Variants in HPCAL1 observed in about 807,000 individuals in gnomAD.
HPCAL1 encodes the protein hippocalcin-like protein 1.
A neutral mutation model predicts 17.1 loss-of-function variants in HPCAL1; 8 were observed. That is an observed-to-expected ratio of 0.47 (90% confidence interval 0.27 to 0.84). The LOEUF is 0.84. Ranked by LOEUF, HPCAL1 falls within the 40% of genes least tolerant of loss-of-function variation. The pLI, the probability that HPCAL1 is intolerant of heterozygous loss-of-function variation, is 0.13. For missense variants in HPCAL1, 165 were observed against 271.1 expected (o/e 0.61, Z 2.75); for synonymous variants, 112 against 111.4 (o/e 1.01, Z -0.03).
In HPCAL1 at chr2:10,426,935, G is replaced by A. The variant is rs1455808635; in HGVS notation, c.*114G>A. The A allele has an allele frequency of 1.2e-5, 12 of 990,730 alleles. No homozygotes were observed. The highest frequency in any genetic ancestry group is 1.9e-5 in the Non-Finnish European group (12 of 645,642). The allele number at this position is 990,730 out of a possible 1,614,324, so 61.4% of individuals were successfully genotyped here. On this transcript the variant is annotated 3_prime_UTR_variant, in exon 5 of 5. Transcript: ENST00000307845. Reference sequence around the variant, plus strand: ...CCTGCTCTCCCGGGCCCCGGGCCTGGGGCATGCGTTGCACCTGCCCAGCCC... The same window carrying A: ...CCTGCTCTCCCGGGCCCCGGGCCTGAGGCATGCGTTGCACCTGCCCAGCCC...
intron 1 of HPCAL1, among the ~76,000 whole-genome samples, chr2:10,396,312 C>G (rs1669023237): frequency 6.6e-6 from 1 of 152,170 alleles, no homozygotes; most frequent in Non-Finnish European, 1.5e-5. Flanking sequence ...GTATGCCAGT[C>G]AAGAAACCGT....
chr2:10,371,057 C>G (rs1490241821), intron 1 of HPCAL1, among the ~76,000 whole-genome samples: 1 of 152,284 alleles, frequency 6.6e-6, no homozygotes, highest in East Asian at 1.9e-4. Flanking sequence ...GGTCCAGTGA[C>G]CTGGCATGGA....
chr2:10,426,731 G>C lies in HPCAL1; in HGVS notation c.492G>C (p.Leu164=). Reference sequence around the variant, plus strand: ...GTCTCTGGTCCCCTGCAGGCAAACTGTCCTTGGAAGAATTCATCAGAGGTG... The same window carrying C: ...GTCTCTGGTCCCCTGCAGGCAAACTCTCCTTGGAAGAATTCATCAGAGGTG... ...RQMDTNNDGK[L]SLEEFIRGAK... is the part of the protein sequence containing the mutation. The change falls in exon 5 of 5, where the codon CTG becomes CTC. Residue 164 remains leucine (L), a synonymous_variant. Transcript: ENST00000307845. 1.2e-6 allele frequency: 2 copies of C among 1,613,268 alleles called. No homozygotes were observed. The highest frequency in any genetic ancestry group is 2.2e-5 in the South Asian group (2 of 91,070).
In HPCAL1 at chr2:10,366,354, G is replaced by C. The variant is rs181506986; in HGVS notation, c.-110-30481G>C. Among the ~76,000 whole-genome samples the C allele has an allele frequency of 5.4e-3, 821 of 152,256 alleles. 8 individuals carry two copies. Among genetic ancestry groups the C allele is most frequent in the African/African-American group, 0.019 (801 of 41,534 alleles). On this transcript the variant is annotated intron_variant, in intron 1 of 4. Transcript: ENST00000307845. ...GGGTTCAAGCGATTCTTGTGCCTCA[G>C]CCTCCTGAGTATCTGGGACTACAGG...
chr2:10,330,083 A>AT lies in HPCAL1; in HGVS notation c.-111+26920dup, dbSNP rs201738159. ...CTGTTATTTAAATCTTGGTCCTTTG[A>AT]TTTTTTTTTTTTTTCCTTTTAGAGA... On this transcript the variant is annotated intron_variant, in intron 1 of 4. Transcript: ENST00000307845. The surrounding 1 kb of genome is among the most constrained non-coding windows in gnomAD (Gnocchi z 4.2). 0.24 allele frequency: 33,934 copies of AT among 144,290 alleles called. 6,746 individuals carry two copies. The highest frequency in any genetic ancestry group is 0.54 in the East Asian group (2,656 of 4,946). 8.9% of individuals were successfully genotyped at this position (144,290 alleles called of 1,614,324 possible).
At position 10,394,662 on chromosome 2, in the gene HPCAL1, C is replaced by T. The variant is rs754292547; in HGVS notation, c.-110-2173C>T. On this transcript the variant is annotated intron_variant, in intron 1 of 4. Transcript: ENST00000307845. The surrounding 1 kb of genome is among the most constrained non-coding windows in gnomAD (Gnocchi z 5.0). ...GGGGGTGATGATGGTCAGTGCAGGT[C>T]CCTCAGTTGTAACAAATGGCCTGCT... Among the ~76,000 whole-genome samples the T allele has an allele frequency of 2.6e-5, 4 of 152,150 alleles. No individual in the cohort carries two copies. Among genetic ancestry groups the T allele is most frequent in the Non-Finnish European group, 2.9e-5 (2 of 68,034 alleles).
intron 2 of HPCAL1, among the ~76,000 whole-genome samples, chr2:10,413,308 G>A (rs563448257): frequency 7.9e-5 from 12 of 152,326 alleles, no homozygotes; most frequent in South Asian, 2.1e-4. Context: ...CTTGCATTCC[G>A]AAAGTGGGTC....
intron 2 of HPCAL1, among the ~76,000 whole-genome samples, chr2:10,397,706 A>T (rs1354674631): frequency 6.6e-6 from 1 of 152,006 alleles, no homozygotes; most frequent in African/African-American, 2.4e-5. Context: ...AGGGCTCCTC[A>T]TGACCCTGGT....
chr2:10,334,976 C>A (rs1383461507), intron 1 of HPCAL1, among the ~76,000 whole-genome samples: 1 of 152,252 alleles, frequency 6.6e-6, no homozygotes, highest in Non-Finnish European at 1.5e-5. Flanking sequence ...CTGTGCCAGC[C>A]CCCATTGTCT....
intron 1 of HPCAL1, among the ~76,000 whole-genome samples, chr2:10,322,053 T>C (rs1374702736): frequency 2.0e-5 from 3 of 152,220 alleles, no homozygotes; most frequent in Non-Finnish European, 4.4e-5. Context: ...GACAAGGTCT[T>C]GCTCTGTTGC....
chr2:10,311,191 G>A (rs73914041), intron 1 of HPCAL1, among the ~76,000 whole-genome samples: 2,205 of 152,230 alleles, frequency 0.014, 62 homozygotes, highest in African/African-American at 0.05. Context: ...AGTGGTTGAG[G>A]TGTGCTTTAT....
At chr2:10,373,320 G>A (rs1667345346) in intron 1 of HPCAL1, among the ~76,000 whole-genome samples, 1 of 152,226 alleles carries the variant, frequency 6.6e-6, no homozygotes, top group African/African-American at 2.4e-5. Flanking sequence ...GGAGCAGAGG[G>A]AGGGGCAGGG....
rs1266834263 is a variant in HPCAL1, at chr2:10,399,504, A to G, written c.-25+2584A>G. ...CACCATCACCGCCACCATCACCATC[A>G]CCACCACCGCCGCCACCACCGCCAC... is the stretch of plus-strand genomic sequence containing the variant. On this transcript the variant is annotated intron_variant, in intron 2 of 4. Transcript: ENST00000307845. Among the ~76,000 whole-genome samples, 6 of 139,036 alleles carry G rather than the reference A, an allele frequency of 4.3e-5. No individual in the cohort carries two copies. In the East Asian group the frequency reaches 6.5e-4, roughly 15 times the overall value. 91.2% of individuals were successfully genotyped at this position (139,036 alleles called of 152,430 possible).
intron 1 of HPCAL1, among the ~76,000 whole-genome samples, chr2:10,313,693 A>G (rs1663124546): frequency 6.6e-6 from 1 of 152,222 alleles, no homozygotes; most frequent in Non-Finnish European, 1.5e-5. Flanking sequence ...CTCGTTTGAC[A>G]AATGGGGCTT....
rs115466042 is a variant in HPCAL1 at position 10,393,055 on chromosome 2, A to G, written c.-110-3780A>G. Among the ~76,000 whole-genome samples the G allele has an allele frequency of 4.2e-3, 633 of 152,348 alleles. 7 individuals are homozygous for G. The highest frequency in any genetic ancestry group is 0.015 in the African/African-American group (613 of 41,578). The stretch of plus-strand genomic sequence containing the variant: ...ACTTTGGAGCAGTAGATCTGTGCCC[A>G]GCAGGTCTGTATGAATCACCCAGGC... On this transcript the variant is annotated intron_variant, in intron 1 of 4. Transcript: ENST00000307845.
chr2:10,350,840 A>G (rs765467085), intron 1 of HPCAL1, among the ~76,000 whole-genome samples: 4 of 152,230 alleles, frequency 2.6e-5, no homozygotes, highest in Non-Finnish European at 5.9e-5. Context: ...GCTCAACATC[A>G]TTAGTCACGA....
chr2:10,315,148 C>G (rs1191612612), intron 1 of HPCAL1, among the ~76,000 whole-genome samples: 1 of 152,020 alleles, frequency 6.6e-6, no homozygotes, highest in Non-Finnish European at 1.5e-5. Flanking sequence ...AAAAAATTAG[C>G]CGGGCGTGGT....
chr2:10,417,438 TC>T lies in HPCAL1; in HGVS notation c.-24-2295del, dbSNP rs1670747484. 5.3e-5 allele frequency among the ~76,000 whole-genome samples: 8 copies of T among 152,272 alleles called. No individual in the cohort carries two copies. In the South Asian group the frequency reaches 1.7e-3, roughly 32 times the overall value. On this transcript the variant is annotated intron_variant, in intron 2 of 4. Coordinates refer to ENST00000307845, the MANE Select transcript of HPCAL1 (RefSeq NM_002149.4). Reference sequence around the variant, plus strand: ...CTCTCTCCCTCCCGGCCAATGTTATTCTTTCCTCATAAGCCCTTCCAGAGCA... The same window carrying T: ...CTCTCTCCCTCCCGGCCAATGTTATTTTTCCTCATAAGCCCTTCCAGAGCA...
intron 1 of HPCAL1, among the ~76,000 whole-genome samples, chr2:10,315,473 C>T (rs1482758983): frequency 1.3e-5 from 2 of 152,044 alleles, no homozygotes; most frequent in African/African-American, 2.4e-5. Context: ...CACCAGTGGG[C>T]ATTTATTATT....
Sources: gnomAD v4.1 joint callset for allele counts (sites outside exome capture counted in the v4.1 genomes callset) on GRCh38, gnomAD v4.1.1 for gene constraint, Gnocchi (gnomAD v3.1) non-coding constraint, MANE v1.5 for transcripts, NCBI Gene and HGNC (gene_info 2026-07-23, HGNC 2026-07-21) for gene names.